DAAM1: variants seen among roughly 807,000 people sequenced by gnomAD.
The protein encoded by DAAM1 is dishevelled associated activator of morphogenesis 1.
A neutral mutation model predicts 130.0 loss-of-function variants in DAAM1; 52 were observed. That is an observed-to-expected ratio of 0.40 (90% confidence interval 0.32 to 0.50). The LOEUF (loss-of-function observed/expected upper bound fraction) is 0.50, where lower values mean the gene tolerates loss of function less well. Ranked by LOEUF, DAAM1 falls within the 20% of genes least tolerant of loss-of-function variation. The pLI, the probability that DAAM1 is intolerant of heterozygous loss-of-function variation, is 0.61. For synonymous variants in DAAM1, 452 were observed against 444.5 expected, an observed-to-expected ratio of 1.02 and a Z score of -0.21; for missense variants, 1,134 against 1,303.8, an observed-to-expected ratio of 0.87 and a Z score of 2.01.
chr14:59,353,209 A>G (rs1886354480), intron 18 of DAAM1, among the ~76,000 whole-genome samples: 1 of 152,210 alleles, frequency 6.6e-6, no homozygotes, highest in Admixed American at 6.5e-5. Context: ...GGTTTGGCAT[A>G]TGAGCTAAGT....
chr14:59,344,474 T>A (rs1224153494), intron 16 of DAAM1, among the ~76,000 whole-genome samples: 1 of 152,202 alleles, frequency 6.6e-6, no homozygotes, highest in Non-Finnish European at 1.5e-5. Flanking sequence ...AGCAATTAAT[T>A]ACAGAGATTA....
chr14:59,350,359 A>AC (rs1192804756), intron 17 of DAAM1, among the ~76,000 whole-genome samples: 1 of 151,878 alleles, frequency 6.6e-6, no homozygotes, highest in African/African-American at 2.4e-5. Flanking sequence ...TAGCACATAA[A>AC]CACACCCCTA....
At chr14:59,254,761 T>C (rs56831548) in intron 1 of DAAM1, among the ~76,000 whole-genome samples, 245 of 152,350 alleles carry the variant, frequency 1.6e-3, no homozygotes, top group African/African-American at 5.7e-3. Context: ...TAGGGATTTA[T>C]ACCCTAAACC....
intron 1 of DAAM1, among the ~76,000 whole-genome samples, chr14:59,257,661 C>T (rs1594783592): frequency 6.6e-6 from 1 of 152,102 alleles, no homozygotes; most frequent in Non-Finnish European, 1.5e-5. Flanking sequence ...ATAAAGTTGG[C>T]AAGGGTCAGG....
chr14:59,319,557 T>G (rs1317987912), intron 4 of DAAM1, among the ~76,000 whole-genome samples: 1 of 152,096 alleles, frequency 6.6e-6, no homozygotes, highest in African/African-American at 2.4e-5. Flanking sequence ...GTAAAAAGAT[T>G]AAACTAGACA....
intron 1 of DAAM1, among the ~76,000 whole-genome samples, chr14:59,226,592 C>A (rs1888950790): frequency 6.6e-6 from 1 of 152,126 alleles, no homozygotes; most frequent in Admixed American, 6.5e-5. Context: ...GTGGGTCATT[C>A]CTTGTAAAGT....
In DAAM1 at chr14:59,360,877, G is replaced by T. The variant is rs1886680065; in HGVS notation, c.2694+15G>T. 1.3e-6 allele frequency: 2 copies of T among 1,593,546 alleles called. No individual in the cohort carries two copies. Among genetic ancestry groups the T allele is most frequent in the Middle Eastern group, 1.7e-4 (1 of 5,962 alleles). ...CAGTAGAGACAGTGAGTATTTTTTTGTTGTTGTTCTAATTCCTGGTCTCTT... is the reference window on the plus strand; with the variant it reads ...CAGTAGAGACAGTGAGTATTTTTTTTTTGTTGTTCTAATTCCTGGTCTCTT... On this transcript the variant is annotated intron_variant, in intron 22 of 24. Coordinates refer to ENST00000360909, the MANE Select transcript of DAAM1 (RefSeq NM_001270520.2).
At chr14:59,204,700 C>A (rs1430773547) in intron 1 of DAAM1, among the ~76,000 whole-genome samples, 1 of 152,150 alleles carries the variant, frequency 6.6e-6, no homozygotes, top group East Asian at 1.9e-4. Flanking sequence ...CCATTATACT[C>A]TTGATGATTA....
chr14:59,291,422 T>A, intron 3 of DAAM1, 116 bp downstream of exon 3: 1 of 806,652 alleles, frequency 1.2e-6, no homozygotes, highest in African/African-American at 1.8e-5. Flanking sequence ...AGATTGAATG[T>A]GTTATGTTGT....
At chr14:59,339,961 T>C (rs1885781052) in intron 15 of DAAM1, 113 bp from the exon 16 acceptor site, 2 of 723,574 alleles carry the variant, frequency 2.8e-6, no homozygotes, top group African/African-American at 1.8e-5. Context: ...GCCTTGCCCA[T>C]GTGTATACGA....
At chr14:59,251,297 C>T (rs1881629584) in intron 1 of DAAM1, among the ~76,000 whole-genome samples, 1 of 152,122 alleles carries the variant, frequency 6.6e-6, no homozygotes, top group South Asian at 2.1e-4. Flanking sequence ...GATCAAAGGG[C>T]CCGTGCATTA....
intron 15 of DAAM1, among the ~76,000 whole-genome samples, chr14:59,335,728 T>C (rs1335150662): frequency 6.6e-6 from 1 of 152,128 alleles, no homozygotes; most frequent in Non-Finnish European, 1.5e-5. Context: ...TCAAAGCCTC[T>C]ACTCTGGGTT....
chr14:59,324,302 T>C (rs1885128026), intron 7 of DAAM1, 49 bp from the exon 8 acceptor site: 1 of 1,459,314 alleles, frequency 6.9e-7, no homozygotes, highest in African/African-American at 1.4e-5. Context: ...GTGATTATTA[T>C]GTAGTCTAAA....
At chr14:59,360,901 T>C (rs763753962) in intron 22 of DAAM1, 39 bp downstream of exon 22, 6 of 1,594,316 alleles carry the variant, frequency 3.8e-6, no homozygotes, top group Non-Finnish European at 5.2e-6. Context: ...TCCTGGTCTC[T>C]TCACTATCTC....
At chr14:59,230,361 T>A (rs1889067467) in intron 1 of DAAM1, among the ~76,000 whole-genome samples, 1 of 151,804 alleles carries the variant, frequency 6.6e-6, no homozygotes, top group Non-Finnish European at 1.5e-5. Context: ...GGCATTGGTG[T>A]GCCACGGGGT....
At chr14:59,198,505 A>C (rs1343630100) in intron 1 of DAAM1, among the ~76,000 whole-genome samples, 1 of 152,038 alleles carries the variant, frequency 6.6e-6, no homozygotes, top group East Asian at 1.9e-4. Flanking sequence ...CTAGGATTAC[A>C]GGCATGAGCC....
At chr14:59,223,157 G>T (rs1176573849) in intron 1 of DAAM1, among the ~76,000 whole-genome samples, 3 of 152,240 alleles carry the variant, frequency 2.0e-5, no homozygotes, top group African/African-American at 7.2e-5. Flanking sequence ...CAGGAGTGGG[G>T]ACTGTGGGCA....
intron 3 of DAAM1, among the ~76,000 whole-genome samples, chr14:59,304,211 C>T (rs1251766496): frequency 6.6e-6 from 1 of 152,168 alleles, no homozygotes; most frequent in East Asian, 1.9e-4. Flanking sequence ...AAAGAAATGG[C>T]CCCTTTAGAA....
chr14:59,352,886 T>A (rs1886339235), intron 18 of DAAM1, among the ~76,000 whole-genome samples: 1 of 151,856 alleles, frequency 6.6e-6, no homozygotes, highest in African/African-American at 2.4e-5. Context: ...TATCAAGTAA[T>A]AACTTTTCTT....
Sources: gnomAD v4.1 joint callset for allele counts (sites outside exome capture counted in the v4.1 genomes callset) on GRCh38, gnomAD v4.1.1 for gene constraint, MANE v1.5 for transcripts, NCBI Gene and HGNC (gene_info 2026-07-23, HGNC 2026-07-21) for gene names.